NIPBL: variants seen among roughly 807,000 people sequenced by gnomAD.
The protein encoded by NIPBL is NIPBL cohesin loading factor.
NIPBL carries 19 observed loss-of-function variants against 321.8 expected under a neutral mutation model. The observed-to-expected ratio is 0.06, with a 90% CI of 0.04 to 0.09. The LOEUF is 0.09. NIPBL is among the 10% of genes least tolerant of loss of function. The pLI, the probability that NIPBL is intolerant of heterozygous loss-of-function variation, is 1.00. For missense variants in NIPBL, 2,210 were observed against 3,327.0 expected, an observed-to-expected ratio of 0.66 and a Z score of 8.26; for synonymous variants, 1,106 against 1,114.1, an observed-to-expected ratio of 0.99 and a Z score of 0.14.
chr5:37,037,026 C>G (rs1751770180), intron 33 of NIPBL, among the ~76,000 whole-genome samples: 1 of 151,652 alleles, frequency 6.6e-6, no homozygotes, highest in African/African-American at 2.4e-5. Flanking sequence ...TTTATATTAT[C>G]TCACATTATT....
chr5:37,000,018 A>G (rs1015560250), intron 11 of NIPBL, among the ~76,000 whole-genome samples: 18 of 152,182 alleles, frequency 1.2e-4, no homozygotes, highest in Admixed American at 1.1e-3. Context: ...ATTCCTAAAT[A>G]TAGTTTGTTT....
intron 1 of NIPBL, among the ~76,000 whole-genome samples, chr5:36,893,676 C>T (rs1410724073): frequency 1.3e-5 from 2 of 151,682 alleles, no homozygotes; most frequent in Non-Finnish European, 1.5e-5. Flanking sequence ...TACATGGCTA[C>T]CTAAAAGATC....
At chr5:37,060,281 C>A (rs758542977) in intron 44 of NIPBL, among the ~76,000 whole-genome samples, 1 of 152,194 alleles carries the variant, frequency 6.6e-6, no homozygotes, top group Non-Finnish European at 1.5e-5. Context: ...ACTTCAGCCA[C>A]CTGAGTAGCT....
At chr5:37,006,252 C>T (rs1747415877) in intron 16 of NIPBL, 105 bp from the exon 17 acceptor site, 1 of 720,818 alleles carries the variant, frequency 1.4e-6, no homozygotes, top group Non-Finnish European at 2.5e-6. Context: ...AATTAACACA[C>T]ATCATAACAC....
intron 23 of NIPBL, 72 bp downstream of exon 23, chr5:37,016,242 G>A: frequency 6.9e-7 from 1 of 1,444,218 alleles, no homozygotes; most frequent in Non-Finnish European, 9.7e-7. Context: ...CTGATTCACA[G>A]ATGATGAATT....
At chr5:37,007,950 T>C in intron 18 of NIPBL, 58 bp from the exon 19 acceptor site, 1 of 1,015,466 alleles carries the variant, frequency 9.8e-7, no homozygotes, top group Non-Finnish European at 1.6e-6. Flanking sequence ...TTTAGTAAGA[T>C]AGAATGTTAC....
intron 16 of NIPBL, 76 bp from the exon 17 acceptor site, chr5:37,006,281 C>G: frequency 1.2e-6 from 1 of 843,366 alleles, no homozygotes; most frequent in South Asian, 1.4e-5. Context: ...CAGTGAAAAT[C>G]AAATCATAAT....
chr5:37,050,721 G>A (rs142377588), intron 40 of NIPBL, among the ~76,000 whole-genome samples: 282 of 152,178 alleles, frequency 1.9e-3, no homozygotes, highest in African/African-American at 4.6e-3. Context: ...TTACAAAACC[G>A]TAATATAATC....
intron 7 of NIPBL, 34 bp downstream of exon 7, chr5:36,971,070 A>G: frequency 1.3e-6 from 2 of 1,570,940 alleles, no homozygotes; most frequent in Non-Finnish European, 8.8e-7. Context: ...GTGATAAAAT[A>G]GTTCTAATAT....
In NIPBL at chr5:37,064,788, A is replaced by G. The variant is rs759899081; in HGVS notation, c.8311A>G (p.Ile2771Val). The change falls in exon 47 of 47, where the codon ATT becomes GTT. Residue 2771 changes from isoleucine to valine, a missense_variant. Physicochemically the swap from Ile to Val is conservative, Grantham distance 29 (BLOSUM62 3). Transcript: ENST00000282516. The stretch of plus-strand genomic sequence containing the variant: ...GGTAGACACTATTAAAGAGTCAGAC[A>G]TTATTTACAAAAAAATTGCTCTAAC... ...PWVDTIKESDIIYKKIALTSA... is the reference protein window; with the variant it reads ...PWVDTIKESDVIYKKIALTSA... 7.4e-6 allele frequency: 12 copies of G among 1,614,218 alleles called. No individual in the cohort carries two copies. In the East Asian group the frequency reaches 8.9e-5, roughly 12 times the overall value.
intron 38 of NIPBL, among the ~76,000 whole-genome samples, chr5:37,046,757 A>G (rs2149734609): frequency 6.6e-6 from 1 of 152,344 alleles, no homozygotes; most frequent in South Asian, 2.1e-4. Context: ...ATTGTTAGGC[A>G]GGTCTATGTG....
chr5:36,905,202 G>A (rs1305966938), intron 1 of NIPBL, among the ~76,000 whole-genome samples: 1 of 152,090 alleles, frequency 6.6e-6, no homozygotes, highest in East Asian at 1.9e-4. Context: ...GTTGGAAAGG[G>A]GTAATAAGCA....
chr5:36,895,671 T>C (rs1207741301), intron 1 of NIPBL, among the ~76,000 whole-genome samples: 3 of 152,330 alleles, frequency 2.0e-5, no homozygotes, highest in Middle Eastern at 3.4e-3. Flanking sequence ...TGAAGTGGTA[T>C]CTCTGTGTGG....
Position 37,006,510 on chromosome 5 carries a change from A to G in NIPBL, c.4009A>G (p.Ile1337Val). Residue 1337 changes from isoleucine to valine, a missense_variant, in exon 17 of 47, where the codon ATA (isoleucine) becomes GTA (valine). Physicochemically the swap from Ile to Val is conservative, Grantham distance 29 (BLOSUM62 3). This residue lies in a region of NIPBL where 381 missense variants were observed against 642.3 expected (regional missense o/e 0.59). Transcript: ENST00000282516. ...CATTGAGGATGTAATTGAAAGAGTT[A>G]TACAGTACACTAAATTTCATTTGCA... ...VYIEDVIERV[I>V]QYTKFHLQNT... is the part of the protein sequence containing the mutation. 6.2e-7 allele frequency: 1 copy of G among 1,612,256 alleles called. No individual in the cohort carries two copies. Among genetic ancestry groups the G allele is most frequent in the Non-Finnish European group, 8.5e-7 (1 of 1,178,580 alleles).
intron 1 of NIPBL, chr5:36,885,818 C>G (rs148280985): frequency 7.6e-6 from 5 of 661,558 alleles, no homozygotes; most frequent in African/African-American, 7.1e-5. Flanking sequence ...CATCGAGGCT[C>G]TCAGGGAGGA....
At chr5:37,041,094 A>G (rs1561199847) in intron 34 of NIPBL, among the ~76,000 whole-genome samples, 1 of 150,346 alleles carries the variant, frequency 6.7e-6, no homozygotes, top group Non-Finnish European at 1.5e-5. Flanking sequence ...CATTACAAAT[A>G]TTTTTTCCTA....
At chr5:36,979,195 CA>C (rs1031954036) in intron 9 of NIPBL, among the ~76,000 whole-genome samples, 3 of 151,826 alleles carry the variant, frequency 2.0e-5, no homozygotes, top group African/African-American at 7.2e-5. Context: ...TCAGTTTTAA[CA>C]ATATTGATTC....
intron 33 of NIPBL, among the ~76,000 whole-genome samples, chr5:37,037,148 G>A (rs1011467996): frequency 7.9e-5 from 12 of 151,542 alleles, no homozygotes; most frequent in Admixed American, 1.3e-4. Context: ...AGCACTTTGG[G>A]AGGCCAAGGC....
chr5:36,927,168 AAAAG>A (rs1477305082), intron 1 of NIPBL, among the ~76,000 whole-genome samples: 3 of 152,178 alleles, frequency 2.0e-5, no homozygotes, highest in Non-Finnish European at 4.4e-5. Flanking sequence ...GAGATCTGAG[AAAAG>A]AAAGAATCCT....
Sources: gnomAD v4.1 joint callset for allele counts (sites outside exome capture counted in the v4.1 genomes callset) on GRCh38, gnomAD v4.1.1 for gene constraint, gnomAD v4.1.1 regional missense constraint, MANE v1.5 for transcripts, NCBI Gene and HGNC (gene_info 2026-07-23, HGNC 2026-07-21) for gene names.